AUH: variants seen among roughly 807,000 people sequenced by gnomAD.
AUH encodes AU RNA binding methylglutaconyl-CoA hydratase.
AUH carries 29 observed loss-of-function variants against 42.3 expected under a neutral mutation model. The observed-to-expected ratio is 0.69, with a 90% CI of 0.51 to 0.93. The LOEUF is 0.93. Among genes scored for constraint, AUH ranks in the 40% least tolerant of loss-of-function variants. The pLI is 0.00. For missense variants in AUH, 452 were observed against 438.1 expected (o/e 1.03, Z -0.28); for synonymous variants, 174 against 166.4 (o/e 1.05, Z -0.35).
At chr9:91,272,434 T>A (rs1415697486) in intron 6 of AUH, among the ~76,000 whole-genome samples, 1 of 152,054 alleles carries the variant, frequency 6.6e-6, no homozygotes, top group Admixed American at 6.6e-5. Flanking sequence ...ATCTTAGGAG[T>A]CAAGGGAAAT....
chr9:91,315,627 T>C (rs2080769663), intron 4 of AUH, among the ~76,000 whole-genome samples: 1 of 152,108 alleles, frequency 6.6e-6, no homozygotes, highest in African/African-American at 2.4e-5. Flanking sequence ...ATACAGTAAA[T>C]AAGAAATGTC....
chr9:91,357,349 C>T (rs956948508), intron 1 of AUH: 13 of 285,534 alleles, frequency 4.6e-5, no homozygotes, highest in Non-Finnish European at 6.3e-5. Flanking sequence ...TAACTTCCTT[C>T]AGCTATTAAG....
At chr9:91,254,436 C>T (rs1471165937) in intron 6 of AUH, among the ~76,000 whole-genome samples, 1 of 152,110 alleles carries the variant, frequency 6.6e-6, no homozygotes, top group African/African-American at 2.4e-5. Context: ...CCAGGATGAG[C>T]TTATGCTTTC....
At chr9:91,312,885 T>G (rs1012392611) in intron 4 of AUH, among the ~76,000 whole-genome samples, 26 of 152,116 alleles carry the variant, frequency 1.7e-4, no homozygotes, top group Admixed American at 1.4e-3. Flanking sequence ...TCTAACAAAT[T>G]GAGTTATAGA....
At position 91,284,548 on chromosome 9, in the gene AUH, T is replaced by G. The variant is rs537226311; in HGVS notation, c.655+11473A>C. Among the ~76,000 whole-genome samples the G allele has an allele frequency of 2.6e-4, 39 of 152,138 alleles. 1 individual carries two copies. Among genetic ancestry groups the G allele is most frequent in the South Asian group, 4.2e-4 (2 of 4,818 alleles). On this transcript the variant is annotated intron_variant, in intron 6 of 9. Transcript: ENST00000375731. ...GGCAACCTACAGAATGGGAGAAAAT[T>G]TTTGCAATCTACTCATCTGACAAAG...
At chr9:91,214,472 G>A in intron 9 of AUH, 47 bp from the exon 10 acceptor site, 1 of 1,485,760 alleles carries the variant, frequency 6.7e-7, no homozygotes, top group Non-Finnish European at 9.2e-7. Context: ...TAAAACAACT[G>A]TAAAAGTTTA....
intron 6 of AUH, among the ~76,000 whole-genome samples, chr9:91,265,200 C>T (rs1217231711): frequency 6.6e-6 from 1 of 151,686 alleles, no homozygotes; most frequent in Non-Finnish European, 1.5e-5. Context: ...ATTTCCTCTC[C>T]TCTCTTTCCT....
intron 3 of AUH, among the ~76,000 whole-genome samples, chr9:91,341,183 A>G (rs1215495752): frequency 6.6e-6 from 1 of 152,198 alleles, no homozygotes; most frequent in Non-Finnish European, 1.5e-5. Context: ...TCCTGCAGGA[A>G]GGACCCCTTC....
At position 91,361,615 on chromosome 9, in the gene AUH, G is replaced by C. The variant is rs748213310; in HGVS notation, c.262+13C>G. 6.3e-7 allele frequency: 1 copy of C among 1,575,164 alleles called. No individual in the cohort carries two copies. Among genetic ancestry groups the C allele is most frequent in the South Asian group, 1.2e-5 (1 of 85,692 alleles). On this transcript the variant is annotated intron_variant, in intron 1 of 9. Transcript: ENST00000375731. ...GCCCGCTGCCCCGCGCCTGCCCAGC[G>C]TTCGCACCTCACCTCGGTTCTCCTC...
intron 4 of AUH, among the ~76,000 whole-genome samples, chr9:91,300,745 G>A (rs10991874): frequency 0.071 from 10,882 of 152,198 alleles, 672 homozygotes; most frequent in East Asian, 0.26. Flanking sequence ...CAAAACCTCA[G>A]ATATTCTGTT....
At chr9:91,221,119 G>A in intron 6 of AUH, 127 bp from the exon 7 acceptor site, 1 of 1,022,780 alleles carries the variant, frequency 9.8e-7, no homozygotes, top group Non-Finnish European at 1.5e-6. Flanking sequence ...ATTAGTAGCT[G>A]GAAAACTACT....
intron 6 of AUH, among the ~76,000 whole-genome samples, chr9:91,230,892 G>C (rs1827833885): frequency 1.3e-5 from 2 of 152,220 alleles, no homozygotes; most frequent in African/African-American, 4.8e-5. Flanking sequence ...GGACCCACTT[G>C]AGGAGGCAGT....
At chr9:91,260,688 G>C (rs1829662719) in intron 6 of AUH, among the ~76,000 whole-genome samples, 1 of 152,158 alleles carries the variant, frequency 6.6e-6, no homozygotes, top group South Asian at 2.1e-4. Flanking sequence ...ATTTGGGGAA[G>C]TTTTGGCCAT....
At chr9:91,298,446 A>G (rs762518605) in intron 4 of AUH, among the ~76,000 whole-genome samples, 1 of 152,230 alleles carries the variant, frequency 6.6e-6, no homozygotes, top group African/African-American at 2.4e-5. Flanking sequence ...TGACTTATAC[A>G]TAATTGTGAA....
rs373678498 is a variant in AUH at position 91,217,294 on chromosome 9, T to C, written c.877A>G (p.Ile293Val). The stretch of plus-strand genomic sequence containing the variant: ...GAACCTACCTCCATCCCTTGATTAA[T>C]TGCTAATTTTGCCACTCTCATTGCA... ...PVAMRVAKLA[I>V]NQGMEVDLVT... The change falls in exon 8 of 10, where the codon ATT (isoleucine) becomes GTT (valine). Residue 293 changes from isoleucine (I) to valine (V), a missense_variant. Transcript: ENST00000375731. 8.0e-5 allele frequency: 129 copies of C among 1,613,832 alleles called. No homozygotes were observed. The highest frequency in any genetic ancestry group is 1.1e-4 in the Non-Finnish European group (127 of 1,179,902).
intron 9 of AUH, 62 bp downstream of exon 9, chr9:91,215,997 T>C (rs1826797559): frequency 4.7e-6 from 7 of 1,498,424 alleles, no homozygotes; most frequent in Middle Eastern, 1.7e-4. Flanking sequence ...ATTTGAATTA[T>C]ACAGAAGGTA....
chr9:91,357,469 A>T, intron 1 of AUH: 1 of 964,538 alleles, frequency 1.0e-6, no homozygotes, highest in East Asian at 1.1e-4. Flanking sequence ...TCATTCAAAC[A>T]TACTGAGTAC....
chr9:91,287,102 A>G (rs1485661528), intron 6 of AUH, among the ~76,000 whole-genome samples: 1 of 151,910 alleles, frequency 6.6e-6, no homozygotes, highest in Non-Finnish European at 1.5e-5. Flanking sequence ...TTTAAAAAAA[A>G]TGGGTAAGTA....
In AUH at chr9:91,361,867, G is replaced by T; in HGVS notation, c.23C>A (p.Ala8Glu). The change falls in exon 1 of 10, where the codon GCA becomes GAA. Residue 8 changes from alanine to glutamate, a missense_variant. Transcript: ENST00000375731. ...ATGCAGGGATCCCAAGGCCCCAGGT[G>T]CCGCCGCCACCGCGGCCGCCATGTT... MAAAVAA[A>E]PGALGSLHAG... is the part of the protein sequence containing the mutation. The T allele has an allele frequency of 1.4e-6, 2 of 1,471,932 alleles. No homozygotes were observed. The highest frequency in any genetic ancestry group is 1.8e-6 in the Non-Finnish European group (2 of 1,117,988). 91.2% of individuals were successfully genotyped at this position (1,471,932 alleles called of 1,614,324 possible). A position where few individuals can be genotyped will look rare whatever the true frequency, so the allele number is the denominator to read the frequency against.
Sources: gnomAD v4.1 joint callset for allele counts (sites outside exome capture counted in the v4.1 genomes callset) on GRCh38, gnomAD v4.1.1 for gene constraint, MANE v1.5 for transcripts, NCBI Gene and HGNC (gene_info 2026-07-23, HGNC 2026-07-21) for gene names.